The following ERC1 variants were observed in gnomAD, a reference collection of about 807,000 sequenced individuals.
ERC1 encodes ELKS/RAB6-interacting/CAST family member 1.
ERC1 carries 56 observed loss-of-function variants against 132.0 expected under a neutral mutation model. The ratio of observed to expected loss-of-function variants is 0.42; its 90% confidence interval spans 0.34 to 0.53. The LOEUF is 0.53. Ranked by LOEUF, ERC1 falls within the 20% of genes least tolerant of loss-of-function variation. The probability of loss-of-function intolerance (pLI) is 0.03; values close to 1 mark genes in which losing one functional copy is unlikely to be tolerated. For missense variants in ERC1, 1,202 were observed against 1,349.9 expected (o/e 0.89, Z 1.72); for synonymous variants, 478 against 476.1 (o/e 1.00, Z -0.05).
chr12:1,361,416 CAT>C (rs766167721), intron 15 of ERC1, among the ~76,000 whole-genome samples: 14 of 151,214 alleles, frequency 9.3e-5, no homozygotes, highest in Non-Finnish European at 2.1e-4. Context: ...AATAATTAAA[CAT>C]AAAAAAATAA....
chr12:1,115,693 G>A (rs1280709705), intron 6 of ERC1, 173 bp from the exon 7 acceptor site: 2 of 448,546 alleles, frequency 4.5e-6, no homozygotes, highest in Non-Finnish European at 3.9e-6. Context: ...GGTTTTTTTT[G>A]GCTCAGGGTT....
At chr12:1,095,397 C>CA (rs59513840) in intron 3 of ERC1, among the ~76,000 whole-genome samples, 12,941 of 132,896 alleles carry the variant, frequency 0.097, 1,393 homozygotes, top group African/African-American at 0.27. Context: ...GCCACTGCAC[C>CA]AAAAAAAAAA....
At chr12:1,249,866 G>A (rs1229961181) in intron 13 of ERC1, among the ~76,000 whole-genome samples, 1 of 152,196 alleles carries the variant, frequency 6.6e-6, no homozygotes, top group Non-Finnish European at 1.5e-5. Flanking sequence ...GTCCTCACAT[G>A]GTGGAAGGGG....
At chr12:1,424,158 C>A (rs1398867057) in intron 17 of ERC1, among the ~76,000 whole-genome samples, 1 of 152,044 alleles carries the variant, frequency 6.6e-6, no homozygotes, top group East Asian at 1.9e-4. Flanking sequence ...GTTGACTGAG[C>A]GTTGGTCCTA....
chr12:1,003,538 C>T (rs1050682011), intron 1 of ERC1, among the ~76,000 whole-genome samples: 1 of 152,200 alleles, frequency 6.6e-6, no homozygotes, highest in Non-Finnish European at 1.5e-5. Flanking sequence ...TTTTTCTTCG[C>T]AATTCTTACA....
chr12:1,400,914 G>GTTTTTTTTTTTTTTTTT (rs1566774897), intron 16 of ERC1, among the ~76,000 whole-genome samples: 2 of 11,118 alleles, frequency 1.8e-4, no homozygotes, highest in Non-Finnish European at 3.0e-4. Flanking sequence ...GGCTATTTTT[G>GTTTTTTTTTTTTTTTTT]TATTTTTTTT....
At chr12:1,176,226 A>T (rs1953700013) in intron 8 of ERC1, among the ~76,000 whole-genome samples, 1 of 152,248 alleles carries the variant, frequency 6.6e-6, no homozygotes, top group Non-Finnish European at 1.5e-5. Context: ...ATTAGCAGGC[A>T]TAAGAAAAAC....
chr12:990,903 C>G (rs923933695), upstream of ERC1: 2 of 152,090 alleles, frequency 1.3e-5, no homozygotes, highest in African/African-American at 2.4e-5. Flanking sequence ...CGGAGCCGAC[C>G]CCGGCTCTCC....
At chr12:1,091,264 G>A (rs951177644) in intron 3 of ERC1, among the ~76,000 whole-genome samples, 1 of 152,142 alleles carries the variant, frequency 6.6e-6, no homozygotes, top group Non-Finnish European at 1.5e-5. Flanking sequence ...CTGTGCATCA[G>A]CACTGTTCAG....
chr12:1,427,516 C>CT (rs1172988718), intron 17 of ERC1, among the ~76,000 whole-genome samples: 1 of 152,004 alleles, frequency 6.6e-6, no homozygotes, highest in Non-Finnish European at 1.5e-5. Context: ...TTCGTATTTT[C>CT]TTTTTTTTAA....
At chr12:1,269,261 A>T (rs538579972) in intron 14 of ERC1, among the ~76,000 whole-genome samples, 2 of 152,346 alleles carry the variant, frequency 1.3e-5, no homozygotes, top group African/African-American at 4.8e-5. Context: ...TCAGAAATAC[A>T]CAATAATTTC....
At chr12:1,043,189 G>A (rs987170001) in intron 2 of ERC1, among the ~76,000 whole-genome samples, 3 of 151,758 alleles carry the variant, frequency 2.0e-5, no homozygotes, top group East Asian at 1.9e-4. Flanking sequence ...GACTACAGAC[G>A]CCTGCTACCA....
intron 8 of ERC1, among the ~76,000 whole-genome samples, chr12:1,156,876 A>AT (rs1951447032): frequency 6.6e-6 from 1 of 151,228 alleles, no homozygotes; most frequent in African/African-American, 2.4e-5. Context: ...TTGATGATGT[A>AT]TTTTTTCTTG....
rs543424773 is a variant in ERC1, at chr12:1,326,972, T to C, written c.2780+36960T>C. Among the ~76,000 whole-genome samples, 11 of 152,284 alleles carry C rather than the reference T, an allele frequency of 7.2e-5. No homozygotes were observed. In the East Asian group the frequency reaches 2.1e-3, roughly 29 times the overall value. ...TCCTACTAGAACTGAGGTATTTCAG[T>C]TTGTGACAAATTATGTCTTAACATG... On this transcript the variant is annotated intron_variant, in intron 15 of 18. Transcript: ENST00000360905.
In ERC1 at chr12:1,136,812, T is replaced by C. The variant is rs545749720; in HGVS notation, c.1570-4808T>C. Reference sequence around the variant, plus strand: ...GTATTCTATTTCCTCTTCCTAGATATCCATGCATTTCTCTCTGCCTTCCCT... The same window carrying C: ...GTATTCTATTTCCTCTTCCTAGATACCCATGCATTTCTCTCTGCCTTCCCT... On this transcript the variant is annotated intron_variant, in intron 7 of 18. Transcript: ENST00000360905. 2.0e-5 allele frequency among the ~76,000 whole-genome samples: 3 copies of C among 152,044 alleles called. No individual in the cohort carries two copies. In the South Asian group the frequency reaches 6.2e-4, roughly 32 times the overall value.
intron 7 of ERC1, among the ~76,000 whole-genome samples, chr12:1,141,170 A>G (rs1224100341): frequency 2.0e-5 from 3 of 152,132 alleles, no homozygotes; most frequent in East Asian, 1.9e-4. Context: ...CTTTGTATGG[A>G]TATCTAAGTG....
At chr12:1,421,744 A>G (rs2092438162) in intron 17 of ERC1, among the ~76,000 whole-genome samples, 1 of 152,014 alleles carries the variant, frequency 6.6e-6, no homozygotes, top group Admixed American at 6.6e-5. Flanking sequence ...CGGGCTGCGC[A>G]CAGTGGCTCA....
In ERC1 at chr12:1,419,355, T is replaced by C. The variant is rs148100464; in HGVS notation, c.3024+11108T>C. 1.5e-3 allele frequency among the ~76,000 whole-genome samples: 231 copies of C among 151,992 alleles called. 2 individuals carry two copies. The highest frequency in any genetic ancestry group is 5.3e-3 in the African/African-American group (218 of 41,442). ...CTACAAATGTACTTTTTCTCCAAAA[T>C]TATACGTCCTGGATACATTTCTTTA... On this transcript the variant is annotated intron_variant, in intron 17 of 18. Transcript: ENST00000360905.
chr12:1,435,302 C>T (rs888308372), intron 17 of ERC1, among the ~76,000 whole-genome samples: 6 of 151,994 alleles, frequency 3.9e-5, no homozygotes, highest in African/African-American at 1.5e-4. Context: ...AGATTCTTCC[C>T]GTGGGCAGGT....
Sources: gnomAD v4.1 joint callset for allele counts (sites outside exome capture counted in the v4.1 genomes callset) on GRCh38, gnomAD v4.1.1 for gene constraint, MANE v1.5 for transcripts, NCBI Gene and HGNC (gene_info 2026-07-23, HGNC 2026-07-21) for gene names.